The following PTPRK variants were observed in gnomAD, a reference collection of about 807,000 sequenced individuals.
The protein encoded by PTPRK is protein tyrosine phosphatase receptor type K, also known as receptor-type tyrosine-protein phosphatase kappa.
A neutral mutation model predicts 178.0 loss-of-function variants in PTPRK; 75 were observed. The ratio of observed to expected loss-of-function variants is 0.42; its 90% confidence interval spans 0.35 to 0.51. The LOEUF is 0.51. Among genes scored for constraint, PTPRK ranks in the 20% least tolerant of loss-of-function variants. The probability of loss-of-function intolerance (pLI) is 0.02; values close to 1 mark genes in which losing one functional copy is unlikely to be tolerated. For missense variants in PTPRK, 1,441 were observed against 1,797.8 expected, an observed-to-expected ratio of 0.80 and a Z score of 3.59; for synonymous variants, 637 against 620.6, an observed-to-expected ratio of 1.03 and a Z score of -0.39.
At chr6:128,348,193 AAC>A (rs1832672106) in intron 2 of PTPRK, among the ~76,000 whole-genome samples, 1 of 152,040 alleles carries the variant, frequency 6.6e-6, no homozygotes, top group East Asian at 1.9e-4. Context: ...ATTTATATAA[AAC>A]ACAAATAAAT....
chr6:128,443,981 T>C (rs750459162), intron 1 of PTPRK, among the ~76,000 whole-genome samples: 2 of 152,024 alleles, frequency 1.3e-5, no homozygotes, highest in African/African-American at 2.4e-5. Flanking sequence ...GACTCACGAG[T>C]AGCTGGGACT....
chr6:128,164,825 A>G (rs1799171611), intron 7 of PTPRK, among the ~76,000 whole-genome samples: 2 of 151,244 alleles, frequency 1.3e-5, no homozygotes, highest in Admixed American at 1.3e-4. Flanking sequence ...TATGGAATAT[A>G]ATATACATTA....
chr6:128,343,201 T>C (rs1377759604), intron 2 of PTPRK, among the ~76,000 whole-genome samples: 2 of 152,042 alleles, frequency 1.3e-5, no homozygotes, highest in Non-Finnish European at 2.9e-5. Flanking sequence ...TATATGTCTA[T>C]ATGAAAATAA....
chr6:128,323,491 CA>C (rs1350820391), intron 2 of PTPRK, among the ~76,000 whole-genome samples: 1 of 152,080 alleles, frequency 6.6e-6, no homozygotes, highest in East Asian at 1.9e-4. Context: ...TTCTTCCTGA[CA>C]ACATGTAAAA....
At chr6:128,163,031 T>C (rs1270706085) in intron 7 of PTPRK, among the ~76,000 whole-genome samples, 6 of 151,606 alleles carry the variant, frequency 4.0e-5, no homozygotes, top group African/African-American at 9.6e-5. Flanking sequence ...TTAACATGTT[T>C]CTATTTATTA....
intron 13 of PTPRK, among the ~76,000 whole-genome samples, chr6:128,014,498 T>C (rs1259154576): frequency 6.6e-6 from 1 of 151,590 alleles, no homozygotes; most frequent in East Asian, 1.9e-4. Context: ...CTTTTAGGAA[T>C]ACCAAGTAAC....
chr6:128,142,366 AGATT>A (rs1433328527), intron 7 of PTPRK, among the ~76,000 whole-genome samples: 2 of 151,494 alleles, frequency 1.3e-5, no homozygotes, highest in African/African-American at 4.8e-5. Flanking sequence ...TTGCACAGAT[AGATT>A]AAGTGTAATG....
chr6:127,981,321 C>T (rs1327646352), intron 24 of PTPRK, 32 bp from the exon 25 acceptor site: 2 of 1,573,462 alleles, frequency 1.3e-6, no homozygotes. Context: ...GGTTAAAAGA[C>T]AGTGTGACCC....
At chr6:128,332,884 C>G (rs766558767) in intron 2 of PTPRK, among the ~76,000 whole-genome samples, 5 of 152,154 alleles carry the variant, frequency 3.3e-5, no homozygotes, top group African/African-American at 4.8e-5. Flanking sequence ...ACTTACTTCA[C>G]CAACAATTTC....
intron 3 of PTPRK, among the ~76,000 whole-genome samples, chr6:128,270,145 A>G (rs1819578149): frequency 6.6e-6 from 1 of 152,144 alleles, no homozygotes; most frequent in African/African-American, 2.4e-5. Context: ...TCATAGTTAT[A>G]TTATAATTTT....
intron 7 of PTPRK, among the ~76,000 whole-genome samples, chr6:128,132,331 C>T (rs879407963): frequency 1.4e-4 from 21 of 152,154 alleles, no homozygotes; most frequent in African/African-American, 4.3e-4. Context: ...CCCGCCACCT[C>T]GCCCGGCTAA....
At chr6:128,279,453 TGGCTTTCC>T (rs1821335542) in intron 3 of PTPRK, among the ~76,000 whole-genome samples, 2 of 152,198 alleles carry the variant, frequency 1.3e-5, no homozygotes, top group African/African-American at 4.8e-5. Context: ...CCCCAATGAA[TGGCTTTCC>T]TCAGCTAACT....
intron 13 of PTPRK, among the ~76,000 whole-genome samples, chr6:128,035,258 T>C (rs1776017777): frequency 6.6e-6 from 1 of 151,980 alleles, no homozygotes; most frequent in African/African-American, 2.4e-5. Context: ...CTCAGCTACT[T>C]GGGAGGCTGA....
At chr6:128,294,081 A>G (rs1448869176) in intron 3 of PTPRK, among the ~76,000 whole-genome samples, 1 of 152,062 alleles carries the variant, frequency 6.6e-6, no homozygotes, top group African/African-American at 2.4e-5. Context: ...ATATTTTTCC[A>G]CAAGGACAAT....
chr6:128,228,332 T>C (rs562527173), intron 5 of PTPRK, among the ~76,000 whole-genome samples: 10 of 151,584 alleles, frequency 6.6e-5, no homozygotes, highest in South Asian at 4.2e-4. Flanking sequence ...AGGGTACAGA[T>C]AAAGTACTAC....
At chr6:128,278,330 G>A (rs1583860656) in intron 3 of PTPRK, among the ~76,000 whole-genome samples, 1 of 151,826 alleles carries the variant, frequency 6.6e-6, no homozygotes, top group Admixed American at 6.6e-5. Flanking sequence ...GTAATTTTTT[G>A]TATTTTTAGT....
Position 127,995,224 on chromosome 6 carries a change from G to C in PTPRK, c.2844+238C>G, listed in dbSNP as rs750545789. The C allele has an allele frequency of 8.2e-6, 13 of 1,580,900 alleles. No individual in the cohort carries two copies. In the Admixed American group the frequency reaches 2.3e-4, roughly 28 times the overall value. ...ATGTTTGTATTTATAATAGGGTGCT[G>C]TTATTTACATATAGTGGTACTTACA... On this transcript the variant is annotated intron_variant, in intron 18 of 29. Transcript: ENST00000368226.
intron 10 of PTPRK, among the ~76,000 whole-genome samples, chr6:128,079,632 C>A (rs1319204735): frequency 2.0e-5 from 3 of 152,070 alleles, no homozygotes; most frequent in Admixed American, 1.3e-4. Context: ...GGAGTATATA[C>A]TCAATGAAAT....
intron 2 of PTPRK, among the ~76,000 whole-genome samples, chr6:128,395,481 G>GTAAT (rs1454480493): frequency 6.6e-6 from 1 of 152,046 alleles, no homozygotes; most frequent in East Asian, 1.9e-4. Context: ...CACCATCAAT[G>GTAAT]GTAATTAGCA....
Sources: allele counts gnomAD v4.1 joint callset (sites outside exome capture counted in the v4.1 genomes callset), GRCh38; gene constraint gnomAD v4.1.1; transcripts MANE v1.5; gene names NCBI Gene and HGNC (gene_info 2026-07-23, HGNC 2026-07-21).